Variants in ZRANB3 observed in about 807,000 individuals in gnomAD.
ZRANB3 encodes the protein DNA annealing helicase and endonuclease ZRANB3.
Under a neutral mutation model 133.8 loss-of-function variants are expected in ZRANB3, and 125 were observed. That is an observed-to-expected ratio of 0.93 (90% CI 0.81 to 1.08). ZRANB3 has a LOEUF of 1.08. Among genes scored for constraint, ZRANB3 ranks in the 50% least tolerant of loss-of-function variants. ZRANB3 has a pLI of 0.00. For synonymous variants in ZRANB3, 387 were observed against 432.7 expected, an observed-to-expected ratio of 0.89 and a Z score of 1.31; for missense variants, 1,229 against 1,275.5, an observed-to-expected ratio of 0.96 and a Z score of 0.56.
At chr2:135,526,167 T>C (rs1694151237) in intron 1 of ZRANB3, among the ~76,000 whole-genome samples, 1 of 147,704 alleles carries the variant, frequency 6.8e-6, no homozygotes, top group South Asian at 2.2e-4. Context: ...ATTTTTTTTT[T>C]TTTTTTTTTT....
At chr2:135,313,467 A>T in intron 8 of ZRANB3, 22 bp downstream of exon 8, 3 of 1,484,904 alleles carry the variant, frequency 2.0e-6, no homozygotes. Flanking sequence ...AGACAAATAC[A>T]TGATGGCCCA....
chr2:135,529,849 G>A (rs767420457), intron 1 of ZRANB3, among the ~76,000 whole-genome samples: 1 of 151,806 alleles, frequency 6.6e-6, no homozygotes, highest in African/African-American at 2.4e-5. Context: ...TACTCAAAGA[G>A]TGGTGATGGG....
chr2:135,354,817 T>C (rs1431184467), intron 3 of ZRANB3, among the ~76,000 whole-genome samples: 2 of 152,178 alleles, frequency 1.3e-5, no homozygotes, highest in Admixed American at 1.3e-4. Context: ...ATGGAGTCGG[T>C]CTATACCTTG....
intron 1 of ZRANB3, chr2:135,511,444 G>T: frequency 2.4e-6 from 2 of 823,792 alleles, no homozygotes; most frequent in Non-Finnish European, 4.3e-6. Flanking sequence ...GAATCATCAG[G>T]TACCACCTGA....
At chr2:135,204,648 A>AT (rs1463561225) in intron 19 of ZRANB3, among the ~76,000 whole-genome samples, 32 of 136,278 alleles carry the variant, frequency 2.3e-4, no homozygotes, top group African/African-American at 8.2e-4. Flanking sequence ...TCAAAAAAAA[A>AT]AAATATATAT....
chr2:135,270,765 C>T (rs896520113), intron 10 of ZRANB3, among the ~76,000 whole-genome samples: 1 of 152,100 alleles, frequency 6.6e-6, no homozygotes, highest in Non-Finnish European at 1.5e-5. Context: ...TTTAATTAGC[C>T]GAGTAAAAGC....
In ZRANB3 at chr2:135,343,912, A is replaced by G. The variant is rs549986710; in HGVS notation, c.677+1638T>C. Among the ~76,000 whole-genome samples, 119 of 140,644 alleles carry G rather than the reference A, an allele frequency of 8.5e-4. 15 individuals are homozygous for G. The highest frequency in any genetic ancestry group is 3.6e-3 in the African/African-American group (111 of 30,484). The allele number at this position is 140,644 out of a possible 152,430, so 92.3% of individuals were successfully genotyped here. A position where few individuals can be genotyped will look rare whatever the true frequency, so the allele number is the denominator to read the frequency against. On this transcript the variant is annotated intron_variant, in intron 6 of 20. Transcript: ENST00000264159. ...ATGGAAAAAGAAACAATCTGACACT[A>G]AGCTGGTGGAAATATAAAAAGCTAT...
chr2:135,390,823 G>T lies in ZRANB3; in HGVS notation c.162-3C>A. The T allele has an allele frequency of 7.3e-7, 1 of 1,374,920 alleles. No individual in the cohort carries two copies. 85.2% of individuals were successfully genotyped at this position (1,374,920 alleles called of 1,614,324 possible). A position where few individuals can be genotyped will look rare whatever the true frequency, so the allele number is the denominator to read the frequency against. On this transcript the variant is annotated splice_region_variant and splice_polypyrimidine_tract_variant and intron_variant, in intron 2 of 20. Coordinates refer to ENST00000264159, the MANE Select transcript of ZRANB3 (RefSeq NM_032143.4). ...TTACTTCATCAGCCACCATACACCT[G>T]GAAAAAAAAAAAAAAAAAAATTAAT...
chr2:135,217,524 G>A lies in ZRANB3; in HGVS notation c.2436C>T (p.Ser812=), dbSNP rs1443159128. The A allele has an allele frequency of 9.3e-6, 15 of 1,613,512 alleles. No individual in the cohort carries two copies. Among genetic ancestry groups the A allele is most frequent in the Non-Finnish European group, 1.3e-5 (15 of 1,179,766 alleles). The change falls in exon 17 of 21, where the codon AGC becomes AGT. Residue 812 remains serine, a synonymous_variant. Coordinates refer to ENST00000264159, the MANE Select transcript of ZRANB3 (RefSeq NM_032143.4). ...IIRKSGQLFC[S]PILALEEITK... ...TGATCTCTTCCAAAGCAAGAATTGG[G>A]CTACAGAATAGCTGTCCACTTTTCC...
chr2:135,400,778 A>G (rs1574040558), intron 2 of ZRANB3, among the ~76,000 whole-genome samples: 1 of 152,146 alleles, frequency 6.6e-6, no homozygotes, highest in African/African-American at 2.4e-5. Flanking sequence ...CTGTTCTAAC[A>G]CCGGAAAAGC....
At chr2:135,253,732 G>T (rs2105097974) in intron 12 of ZRANB3, among the ~76,000 whole-genome samples, 1 of 152,308 alleles carries the variant, frequency 6.6e-6, no homozygotes, top group South Asian at 2.1e-4. Context: ...ACCTCACCAG[G>T]TGATAGGAAC....
chr2:135,490,830 T>A (rs935640465), intron 2 of ZRANB3, among the ~76,000 whole-genome samples: 2 of 152,156 alleles, frequency 1.3e-5, no homozygotes, highest in Admixed American at 6.5e-5. Context: ...AATCCTCTCA[T>A]CTGCAGCAAC....
At chr2:135,325,946 G>A (rs1242871166) in intron 6 of ZRANB3, among the ~76,000 whole-genome samples, 5 of 152,194 alleles carry the variant, frequency 3.3e-5, no homozygotes, top group Admixed American at 1.3e-4. Flanking sequence ...CCATGAGGAT[G>A]CAGGCAGCAG....
intron 3 of ZRANB3, among the ~76,000 whole-genome samples, chr2:135,356,979 C>T (rs1344511114): frequency 2.0e-5 from 3 of 152,108 alleles, no homozygotes; most frequent in South Asian, 2.1e-4. Context: ...CCACCATGCC[C>T]GGCCTAATAG....
At chr2:135,320,946 GAA>G (rs1251708070) in intron 6 of ZRANB3, among the ~76,000 whole-genome samples, 1 of 152,180 alleles carries the variant, frequency 6.6e-6, no homozygotes, top group Non-Finnish European at 1.5e-5. Context: ...TATTGCATTT[GAA>G]AGTTATATAT....
chr2:135,392,305 C>T (rs1357820424), intron 2 of ZRANB3, among the ~76,000 whole-genome samples: 1 of 129,826 alleles, frequency 7.7e-6, no homozygotes, highest in East Asian at 2.2e-4. Flanking sequence ...CAAAGGGAGA[C>T]CCTATCTCTA....
chr2:135,440,585 A>G (rs986165930), intron 2 of ZRANB3, among the ~76,000 whole-genome samples: 1 of 152,214 alleles, frequency 6.6e-6, no homozygotes, highest in Non-Finnish European at 1.5e-5. Flanking sequence ...CCAGGCTGAC[A>G]GCAAGCAAAG....
intron 2 of ZRANB3, among the ~76,000 whole-genome samples, chr2:135,465,678 TA>T (rs1402802832): frequency 6.6e-6 from 1 of 152,086 alleles, no homozygotes; most frequent in African/African-American, 2.4e-5. Flanking sequence ...GGGATCTAAT[TA>T]AACTAAAGAG....
intron 19 of ZRANB3, among the ~76,000 whole-genome samples, chr2:135,206,664 G>A (rs930801859): frequency 6.7e-6 from 1 of 149,382 alleles, no homozygotes; most frequent in African/African-American, 2.5e-5. Context: ...GAAAGGAAAT[G>A]AGGACAAGCA....
Sources: gnomAD v4.1 joint callset for allele counts (sites outside exome capture counted in the v4.1 genomes callset) on GRCh38, gnomAD v4.1.1 for gene constraint, MANE v1.5 for transcripts, NCBI Gene and HGNC (gene_info 2026-07-23, HGNC 2026-07-21) for gene names.